Variants in NEGR1 observed in about 807,000 individuals in gnomAD.
NEGR1 encodes the protein neuronal growth regulator 1.
NEGR1 carries 10 observed loss-of-function variants against 40.9 expected under a neutral mutation model. The observed-to-expected ratio is 0.24, with a 90% CI of 0.15 to 0.42. The LOEUF is 0.42. Among genes scored for constraint, NEGR1 ranks in the 10% least tolerant of loss-of-function variants. NEGR1 has a pLI of 1.00. For synonymous variants in NEGR1, 185 were observed against 166.8 expected (o/e 1.11, Z -0.84); for missense variants, 352 against 438.9 (o/e 0.80, Z 1.77).
intron 2 of NEGR1, among the ~76,000 whole-genome samples, chr1:71,926,463 T>A (rs961471847): frequency 5.9e-5 from 9 of 152,054 alleles, no homozygotes; most frequent in Non-Finnish European, 1.2e-4. Context: ...ATTCATCTCA[T>A]GAGTAGATCC....
At chr1:72,228,330 T>C (rs545190031) in intron 1 of NEGR1, among the ~76,000 whole-genome samples, 72 of 152,286 alleles carry the variant, frequency 4.7e-4, no homozygotes, top group Non-Finnish European at 1.6e-4. Context: ...AATGAGTTCC[T>C]TTTGCTTCCC....
intron 1 of NEGR1, among the ~76,000 whole-genome samples, chr1:72,170,051 GAAA>G (rs1651905455): frequency 6.6e-6 from 1 of 152,100 alleles, no homozygotes; most frequent in African/African-American, 2.4e-5. Context: ...GATGCCTATA[GAAA>G]ATGTGTACCT....
At chr1:71,566,925 C>A (rs945535542) in intron 6 of NEGR1, among the ~76,000 whole-genome samples, 1 of 152,126 alleles carries the variant, frequency 6.6e-6, no homozygotes, top group Non-Finnish European at 1.5e-5. Flanking sequence ...CAAACAAGCT[C>A]CCTCAGGCCT....
intron 1 of NEGR1, among the ~76,000 whole-genome samples, chr1:72,186,430 T>C (rs1652614060): frequency 6.6e-6 from 1 of 151,626 alleles, no homozygotes. Flanking sequence ...TTGCATTAAG[T>C]CATGACTAAA....
At chr1:71,790,779 C>G (rs983113981) in intron 2 of NEGR1, among the ~76,000 whole-genome samples, 2 of 152,006 alleles carry the variant, frequency 1.3e-5, no homozygotes, top group African/African-American at 4.8e-5. Context: ...TCAAATAATA[C>G]TGTTAGGATT....
rs568248503 is a variant in NEGR1 at position 71,684,841 on chromosome 1, T to A, written c.667+13167A>T. 1.1e-4 allele frequency among the ~76,000 whole-genome samples: 16 copies of A among 152,316 alleles called. No homozygotes were observed. The East Asian group carries it at 2.9e-3, about 28-fold the overall frequency. On this transcript the variant is annotated intron_variant, in intron 4 of 6. Transcript: ENST00000357731. ...TTCCTGCTTCTATCTTTCAGTTGGT[T>A]ATAAACTCATGAGGGAAGATTACTA...
intron 6 of NEGR1, among the ~76,000 whole-genome samples, chr1:71,502,620 CTCTG>C (rs1342595360): frequency 6.6e-6 from 1 of 152,150 alleles, no homozygotes; most frequent in Non-Finnish European, 1.5e-5. Flanking sequence ...AAGTGGCCCA[CTCTG>C]TCTGGGCTTA....
chr1:71,930,140 G>A (rs115651171), intron 2 of NEGR1, among the ~76,000 whole-genome samples: 2,785 of 151,948 alleles, frequency 0.018, 43 homozygotes, highest in Non-Finnish European at 0.027. Context: ...GCATCTTATT[G>A]AATTTATTTT....
intron 1 of NEGR1, among the ~76,000 whole-genome samples, chr1:72,280,278 C>T (rs1656198330): frequency 6.6e-6 from 1 of 152,176 alleles, no homozygotes; most frequent in Non-Finnish European, 1.5e-5. Flanking sequence ...CAGCTATCTT[C>T]ACTAACCATA....
intron 1 of NEGR1, among the ~76,000 whole-genome samples, chr1:72,138,903 C>T (rs1650569165): frequency 2.0e-5 from 3 of 151,952 alleles, no homozygotes; most frequent in Non-Finnish European, 4.4e-5. Flanking sequence ...GCTGTACATT[C>T]TTTCAAGTAC....
intron 2 of NEGR1, among the ~76,000 whole-genome samples, chr1:71,843,571 A>T (rs1348225768): frequency 1.3e-5 from 2 of 152,136 alleles, no homozygotes; most frequent in African/African-American, 4.8e-5. Flanking sequence ...ATCTCAGAAC[A>T]AAATAGATTC....
chr1:72,073,942 T>C (rs1025389394), intron 1 of NEGR1, among the ~76,000 whole-genome samples: 2 of 152,078 alleles, frequency 1.3e-5, no homozygotes, highest in African/African-American at 2.4e-5. Flanking sequence ...GATGCAGGAA[T>C]ATAGAAATAC....
intron 1 of NEGR1, among the ~76,000 whole-genome samples, chr1:71,965,858 A>G (rs867501730): frequency 6.6e-6 from 1 of 152,288 alleles, no homozygotes; most frequent in Middle Eastern, 3.4e-3. Flanking sequence ...CCTCATAATA[A>G]AGTAGAAAAA....
intron 1 of NEGR1, among the ~76,000 whole-genome samples, chr1:71,943,210 G>C (rs1437590577): frequency 6.8e-6 from 1 of 147,754 alleles, no homozygotes; most frequent in Non-Finnish European, 1.5e-5. Context: ...TATATGTATA[G>C]TTAAGTTTGT....
chr1:71,636,363 TTA>T (rs1207113898), intron 4 of NEGR1, among the ~76,000 whole-genome samples: 1 of 152,118 alleles, frequency 6.6e-6, no homozygotes, highest in Non-Finnish European at 1.5e-5. Flanking sequence ...CATTTCATTT[TTA>T]TGTTATGTCT....
At chr1:71,478,137 T>A (rs1488722956) in intron 6 of NEGR1, among the ~76,000 whole-genome samples, 1 of 152,096 alleles carries the variant, frequency 6.6e-6, no homozygotes, top group Non-Finnish European at 1.5e-5. Context: ...TGACACTCCC[T>A]CATACCATTG....
chr1:71,422,652 GT>G (rs1646405630), intron 6 of NEGR1: 1 of 152,138 alleles, frequency 6.6e-6, no homozygotes. Flanking sequence ...GAAAGGCCTT[GT>G]TTTATGTTTT....
At chr1:72,081,613 A>G (rs1227696926) in intron 1 of NEGR1, among the ~76,000 whole-genome samples, 1 of 152,084 alleles carries the variant, frequency 6.6e-6, no homozygotes, top group Non-Finnish European at 1.5e-5. Context: ...ATTGTATCCT[A>G]TGAAATAAGC....
intron 1 of NEGR1, among the ~76,000 whole-genome samples, chr1:72,261,383 G>A (rs1221174137): frequency 1.3e-5 from 2 of 151,864 alleles, no homozygotes; most frequent in African/African-American, 4.8e-5. Context: ...GTATAAGCAT[G>A]TTTCTCAAAC....
Sources: allele counts gnomAD v4.1 joint callset (sites outside exome capture counted in the v4.1 genomes callset), GRCh38; gene constraint gnomAD v4.1.1; transcripts MANE v1.5; gene names NCBI Gene and HGNC (gene_info 2026-07-23, HGNC 2026-07-21).